Variants in ZNF354B observed in about 807,000 individuals in gnomAD.
ZNF354B encodes zinc finger protein 354B.
Under a neutral mutation model 12.9 loss-of-function variants are expected in ZNF354B, and 10 were observed. The observed-to-expected ratio is 0.77, with a 90% CI of 0.48 to 1.31. ZNF354B has a LOEUF of 1.31. Ranked by LOEUF, ZNF354B falls within the 40% of genes most tolerant of loss-of-function variation. ZNF354B has a pLI of 0.00. For missense variants in ZNF354B, 614 were observed against 711.7 expected, an observed-to-expected ratio of 0.86 and a Z score of 1.56; for synonymous variants, 260 against 243.7, an observed-to-expected ratio of 1.07 and a Z score of -0.62.
chr5:178,879,603 T>C (rs1177521823), intron 4 of ZNF354B, among the ~76,000 whole-genome samples: 1 of 151,984 alleles, frequency 6.6e-6, no homozygotes, highest in African/African-American at 2.4e-5. Context: ...GGTCTTGAAC[T>C]CCTGACCTCC....
chr5:178,865,269 A>AT (rs139832348), intron 2 of ZNF354B, among the ~76,000 whole-genome samples: 13 of 150,182 alleles, frequency 8.7e-5, no homozygotes, highest in East Asian at 2.0e-4. Flanking sequence ...CTTTAGACGA[A>AT]TTTTTTTTTT....
rs963390250 is a variant in ZNF354B at position 178,859,953 on chromosome 5, A to T, written c.-226A>T. The T allele has an allele frequency of 1.3e-5, 2 of 152,244 alleles. No individual in the cohort carries two copies. Among genetic ancestry groups the T allele is most frequent in the African/African-American group, 4.8e-5 (2 of 41,456 alleles). 9.4% of individuals were successfully genotyped at this position (152,244 alleles called of 1,614,324 possible). ...GTGGACTCCATTTCCTAGAGGCCTT[A>T]GCGGCCGCCTTGCTCCTCTAGGTCC... On this transcript the variant is annotated 5_prime_UTR_variant, in exon 1 of 5. Transcript: ENST00000322434.
intron 2 of ZNF354B, among the ~76,000 whole-genome samples, 182 bp downstream of exon 2, chr5:178,861,262 T>C (rs1261405477): frequency 7.3e-6 from 1 of 137,750 alleles, no homozygotes; most frequent in Non-Finnish European, 1.6e-5. Flanking sequence ...CCGTGTCTAG[T>C]GGTTTTTAAT....
chr5:178,881,045 T>C (rs111393893), intron 4 of ZNF354B, among the ~76,000 whole-genome samples: 22,533 of 151,702 alleles, frequency 0.15, 2,049 homozygotes, highest in African/African-American at 0.25. Context: ...GGTTTCGCCA[T>C]GTTGGCCAGG....
At position 178,883,154 on chromosome 5, in the gene ZNF354B, A is replaced by G. The variant is rs1466424287; in HGVS notation, c.702A>G (p.Lys234=). ...IHNSSLRKHQ[K]NHTGEKLFKC... ...ATTCATCCCTTCGTAAACATCAGAA[A>G]AACCACACTGGAGAAAAATTATTTA... is the stretch of plus-strand genomic sequence containing the variant. Residue 234 remains lysine (K), a synonymous_variant, in exon 5 of 5, where the codon AAA becomes AAG. Coordinates refer to ENST00000322434, the MANE Select transcript of ZNF354B (RefSeq NM_058230.3). 3 of 1,613,522 alleles carry G rather than the reference A, an allele frequency of 1.9e-6. No individual in the cohort carries two copies. Among genetic ancestry groups the G allele is most frequent in the Non-Finnish European group, 2.5e-6 (3 of 1,179,896 alleles).
chr5:178,870,021 C>G (rs1757537704), intron 4 of ZNF354B, among the ~76,000 whole-genome samples: 1 of 152,126 alleles, frequency 6.6e-6, no homozygotes, highest in South Asian at 2.1e-4. Flanking sequence ...ACCAAAAACT[C>G]AACCTGTAGG....
intron 2 of ZNF354B, among the ~76,000 whole-genome samples, chr5:178,863,196 A>T (rs1757388464): frequency 6.6e-6 from 1 of 152,198 alleles, no homozygotes; most frequent in Non-Finnish European, 1.5e-5. Context: ...AAAATATTGC[A>T]GGGTTATGGT....
chr5:178,881,615 G>A (rs368316754), intron 4 of ZNF354B, among the ~76,000 whole-genome samples: 1 of 147,082 alleles, frequency 6.8e-6, no homozygotes, highest in Non-Finnish European at 1.5e-5. Flanking sequence ...ATTTTAATAT[G>A]TCAATTTTAT....
At chr5:178,860,820 T>TGGGGCC (rs1399670599) in intron 1 of ZNF354B, 177 bp from the exon 2 acceptor site, 2 of 470,570 alleles carry the variant, frequency 4.3e-6, no homozygotes, top group Non-Finnish European at 7.7e-6. Flanking sequence ...CCCAAGCCTG[T>TGGGGCC]GGGGCCTGGG....
chr5:178,861,343 G>A (rs77808041), intron 2 of ZNF354B, among the ~76,000 whole-genome samples: 5,343 of 151,034 alleles, frequency 0.035, 197 homozygotes, highest in East Asian at 0.12. Context: ...AAGTCTGTCT[G>A]TCACTAAGAG....
At chr5:178,865,732 G>A (rs952456896) in intron 2 of ZNF354B, among the ~76,000 whole-genome samples, 1 of 152,154 alleles carries the variant, frequency 6.6e-6, no homozygotes, top group African/African-American at 2.4e-5. Context: ...AAAGCATTCA[G>A]TAAAAGAGAG....
intron 4 of ZNF354B, among the ~76,000 whole-genome samples, chr5:178,878,810 C>G (rs528517371): frequency 6.6e-6 from 1 of 152,056 alleles, no homozygotes; most frequent in South Asian, 2.1e-4. Context: ...TCAAGTTATT[C>G]TCTGCCTTAG....
At chr5:178,881,917 T>G (rs1008460142) in intron 4 of ZNF354B, among the ~76,000 whole-genome samples, 8 of 152,260 alleles carry the variant, frequency 5.3e-5, no homozygotes, top group African/African-American at 1.7e-4. Context: ...AGTTTTACTT[T>G]CTCTTTACTC....
intron 4 of ZNF354B, among the ~76,000 whole-genome samples, chr5:178,870,513 G>C (rs1757545686): frequency 6.6e-6 from 1 of 152,180 alleles, no homozygotes; most frequent in Non-Finnish European, 1.5e-5. Flanking sequence ...CTTCTGACCT[G>C]AAATGATCTG....
intron 4 of ZNF354B, among the ~76,000 whole-genome samples, chr5:178,876,055 A>C (rs1222225191): frequency 6.6e-6 from 1 of 152,160 alleles, no homozygotes; most frequent in Non-Finnish European, 1.5e-5. Context: ...TAGAGGTACC[A>C]GTGTAGCGAC....
chr5:178,881,972 C>G (rs989148780), intron 4 of ZNF354B, among the ~76,000 whole-genome samples: 1 of 152,118 alleles, frequency 6.6e-6, no homozygotes, highest in Non-Finnish European at 1.5e-5. Flanking sequence ...GTTAATATGT[C>G]TAGTACAGTG....
intron 4 of ZNF354B, among the ~76,000 whole-genome samples, chr5:178,879,657 G>C (rs1221191067): frequency 6.6e-6 from 1 of 152,184 alleles, no homozygotes; most frequent in Admixed American, 6.5e-5. Context: ...AGGATTACAG[G>C]TGTGAGCCGC....
chr5:178,867,412 G>A (rs1757479711), intron 4 of ZNF354B, among the ~76,000 whole-genome samples: 1 of 152,218 alleles, frequency 6.6e-6, no homozygotes, highest in Non-Finnish European at 1.5e-5. Context: ...GAAGGAAATA[G>A]CCTAGAAAGC....
chr5:178,884,190 T>G lies in ZNF354B; in HGVS notation c.1738T>G (p.Cys580Gly). The G allele has an allele frequency of 6.2e-7, 1 of 1,614,040 alleles. No individual in the cohort carries two copies. The highest frequency in any genetic ancestry group is 8.5e-7 in the Non-Finnish European group (1 of 1,179,924). Reference sequence around the variant, plus strand: ...TCATACTGGAGAGAAACCCTATGAATGTAATGCATGTGGGAAACTCTTTAG... The same window carrying G: ...TCATACTGGAGAGAAACCCTATGAAGGTAATGCATGTGGGAAACTCTTTAG... ...RIHTGEKPYE[C>G]NACGKLFSQR... The change falls in exon 5 of 5, where the codon TGT becomes GGT. Residue 580 changes from cysteine to glycine, a missense_variant. Cys to Gly is a radical substitution (Grantham distance 159). Coordinates refer to ENST00000322434, the MANE Select transcript of ZNF354B (RefSeq NM_058230.3).
Sources: gnomAD v4.1 joint callset for allele counts (sites outside exome capture counted in the v4.1 genomes callset) on GRCh38, gnomAD v4.1.1 for gene constraint, MANE v1.5 for transcripts, NCBI Gene and HGNC (gene_info 2026-07-23, HGNC 2026-07-21) for gene names.